MACF1: variants seen among roughly 807,000 people sequenced by gnomAD.
The protein encoded by MACF1 is microtubule actin crosslinking factor 1, also known as microtubule-actin cross-linking factor 1.
Under a neutral mutation model 854.8 loss-of-function variants are expected in MACF1, and 193 were observed. That is an observed-to-expected ratio of 0.23 (90% CI 0.20 to 0.25). The LOEUF is 0.25. MACF1 is among the 10% of genes least tolerant of loss of function. The pLI, the probability that MACF1 is intolerant of heterozygous loss-of-function variation, is 1.00. For synonymous variants in MACF1, 3,185 were observed against 3,226.7 expected (o/e 0.99, Z 0.44); for missense variants, 7,722 against 8,929.1 (o/e 0.86, Z 5.45).
chr1:39,359,073 C>G (rs902200523), intron 46 of MACF1, 68 bp from the exon 47 acceptor site: 70 of 1,580,318 alleles, frequency 4.4e-5, no homozygotes, highest in Non-Finnish European at 5.9e-5. Context: ...TGTTCAGTAG[C>G]TCCGGATTCC....
chr1:39,335,309 T>C lies in MACF1; in HGVS notation c.8721T>C (p.Asn2907=), dbSNP rs1156832491. The C allele has an allele frequency of 6.2e-7, 1 of 1,613,840 alleles. No individual in the cohort carries two copies. Among genetic ancestry groups the C allele is most frequent in the African/African-American group, 1.3e-5 (1 of 74,898 alleles). The change falls in exon 37 of 101, where the codon AAT becomes AAC. Residue 2907 remains asparagine, a synonymous_variant. Coordinates refer to ENST00000564288, the MANE Select transcript of MACF1 (RefSeq NM_001394062.1). ...VARNNMGNDT[N]EEQEKAVTKI... is the part of the protein sequence containing the mutation. ...GAAATAACATGGGAAATGATACAAA[T>C]GAAGAGCAGGAAAAAGCAGTGACAA... is the stretch of plus-strand genomic sequence containing the variant.
At chr1:39,464,584 T>TA (rs11435946) in intron 94 of MACF1, 9,688 of 155,960 alleles carry the variant, frequency 0.062, 779 homozygotes, top group African/African-American at 0.19. Context: ...AAGAACAACA[T>TA]AGCATGGAGA....
At chr1:39,226,524 A>G (rs1644718217) in intron 1 of MACF1, among the ~76,000 whole-genome samples, 1 of 152,074 alleles carries the variant, frequency 6.6e-6, no homozygotes, top group Non-Finnish European at 1.5e-5. Context: ...TATTTTTAGT[A>G]GAGACGGGGT....
rs1033662302 is a variant in MACF1, at chr1:39,105,869, G to A, written c.220+21431G>A. On this transcript the variant is annotated intron_variant, in intron 2 of 93. Coordinates refer to the MACF1 transcript ENST00000361689. The surrounding 1 kb of genome is among the most constrained non-coding windows in gnomAD (Gnocchi z 5.9). The stretch of plus-strand genomic sequence containing the variant: ...CCTGAGCTGCTGCTTCTCGGGGCCA[G>A]TTTATTTACAGAGTTGAGATAAGCC... 4.6e-5 allele frequency among the ~76,000 whole-genome samples: 7 copies of A among 151,888 alleles called. No homozygotes were observed. Among genetic ancestry groups the A allele is most frequent in the Admixed American group, 4.6e-4 (7 of 15,270 alleles).
intron 2 of MACF1, among the ~76,000 whole-genome samples, chr1:39,236,013 C>T (rs1644856808): frequency 6.6e-6 from 1 of 152,212 alleles, no homozygotes; most frequent in African/African-American, 2.4e-5. Flanking sequence ...CTTGGAATTA[C>T]AGGCATGAGC....
chr1:39,407,165 AG>A (rs1379909343), intron 58 of MACF1, among the ~76,000 whole-genome samples: 18 of 152,346 alleles, frequency 1.2e-4, no homozygotes, highest in African/African-American at 4.1e-4. Flanking sequence ...GAAAGTCACC[AG>A]TTTAGGGGAC....
chr1:39,210,474 A>G (rs1168698165), intron 1 of MACF1, among the ~76,000 whole-genome samples: 2 of 150,960 alleles, frequency 1.3e-5, no homozygotes, highest in Non-Finnish European at 2.9e-5. Context: ...AGCTGGGACT[A>G]TAGGCACCCT....
chr1:39,453,675 T>C (rs555798368), intron 87 of MACF1, 32 bp from the exon 88 acceptor site: 1 of 1,608,748 alleles, frequency 6.2e-7, no homozygotes, highest in African/African-American at 1.3e-5. Context: ...GTAGACTTTT[T>C]ACGTTTTTGT....
rs534557823 is a variant in MACF1 at position 39,412,022 on chromosome 1, C to G, written c.15817-10352C>G. ...AGCCCCAGGACTGCAGAATTTAAGT[C>G]CAGACAGCCAGCTGATCTGGATTCA... On this transcript the variant is annotated intron_variant, in intron 58 of 100. Coordinates refer to ENST00000564288, the MANE Select transcript of MACF1 (RefSeq NM_001394062.1). 4 of 1,613,936 alleles carry G rather than the reference C, an allele frequency of 2.5e-6. No individual in the cohort carries two copies. In the African/African-American group the frequency reaches 5.3e-5, roughly 22 times the overall value.
intron 52 of MACF1, chr1:39,373,399 G>T (rs1649424173): frequency 6.7e-6 from 1 of 150,254 alleles, no homozygotes; most frequent in Non-Finnish European, 1.5e-5. Context: ...AACCTGGTAG[G>T]TGGAGGTTTC....
intron 2 of MACF1, among the ~76,000 whole-genome samples, chr1:39,183,200 G>A (rs192397317): frequency 1.3e-5 from 2 of 152,300 alleles, no homozygotes; most frequent in Non-Finnish European, 2.9e-5. Flanking sequence ...GAGGAGGGGC[G>A]AATGGGAAGT....
At chr1:39,202,733 T>C (rs1283364573), upstream of MACF1, among the ~76,000 whole-genome samples, 1 of 152,198 alleles carries the variant, frequency 6.6e-6, no homozygotes, top group Non-Finnish European at 1.5e-5. Flanking sequence ...ACAAGCTATG[T>C]ATTTACCTGT....
At position 39,387,613 on chromosome 1, in the gene MACF1, C is replaced by T; in HGVS notation, c.14771C>T (p.Ala4924Val). The T allele has an allele frequency of 6.2e-7, 1 of 1,614,170 alleles. No homozygotes were observed. The highest frequency in any genetic ancestry group is 1.1e-5 in the South Asian group (1 of 91,078). Residue 4924 changes from alanine to valine, a missense_variant, in exon 58 of 101, where the codon GCT becomes GTT. Physicochemically the swap from Ala to Val is moderately conservative, Grantham distance 64 (BLOSUM62 0). Transcript: ENST00000564288. ...DLVPWIEDCK[A>V]KMSELRVTLD... ...GTGCCATGGATAGAAGATTGTAAAG[C>T]TAAGATGTCTGAGTTGCGAGTCACT... is the stretch of plus-strand genomic sequence containing the variant.
intron 26 of MACF1, among the ~76,000 whole-genome samples, chr1:39,314,454 TAC>T (rs748951832): frequency 6.9e-4 from 105 of 151,124 alleles, no homozygotes; most frequent in African/African-American, 1.8e-3. Flanking sequence ...TATATATGCA[TAC>T]ACACACACAC....
intron 23 of MACF1, among the ~76,000 whole-genome samples, chr1:39,309,241 CAATT>C (rs780007429): frequency 1.3e-5 from 2 of 151,288 alleles, no homozygotes; most frequent in African/African-American, 2.4e-5. Context: ...TTGAAGATCT[CAATT>C]AATTAATGTA....
chr1:39,482,552 A>G (rs12138051), intron 99 of MACF1, among the ~76,000 whole-genome samples: 85,323 of 151,858 alleles, frequency 0.56, 25,613 homozygotes, highest in South Asian at 0.77. Context: ...TTTAAAAAGC[A>G]AAGTAGAGAC....
At chr1:39,159,983 G>A (rs892823774) in intron 2 of MACF1, among the ~76,000 whole-genome samples, 1 of 152,122 alleles carries the variant, frequency 6.6e-6, no homozygotes, top group Non-Finnish European at 1.5e-5. Flanking sequence ...AAGAACTCTG[G>A]TTCTAAGAAA....
intron 2 of MACF1, among the ~76,000 whole-genome samples, chr1:39,142,316 T>G (rs1643362370): frequency 6.6e-6 from 1 of 152,160 alleles, no homozygotes; most frequent in South Asian, 2.1e-4. Flanking sequence ...TTTAGTGAAC[T>G]AACCAATTTG....
chr1:39,408,624 C>A (rs899837017), intron 58 of MACF1, among the ~76,000 whole-genome samples: 3 of 141,476 alleles, frequency 2.1e-5, no homozygotes, highest in Non-Finnish European at 3.1e-5. Flanking sequence ...GGAGCCGGGC[C>A]GGTTGGAGCG....
Sources: allele counts gnomAD v4.1 joint callset (sites outside exome capture counted in the v4.1 genomes callset), GRCh38; gene constraint gnomAD v4.1.1; non-coding constraint Gnocchi (gnomAD v3.1); transcripts MANE v1.5; gene names NCBI Gene and HGNC (gene_info 2026-07-23, HGNC 2026-07-21).